Variants in OR51B5 observed in about 807,000 individuals in gnomAD.
OR51B5 encodes the protein olfactory receptor 51B5.
For missense variants in OR51B5, 456 were observed against 374.6 expected, an observed-to-expected ratio of 1.22 and a Z score of -1.79; for synonymous variants, 186 against 144.8, an observed-to-expected ratio of 1.28 and a Z score of -2.04.
chr11:5,470,049 T>C (rs1321077166), intron 1 of OR51B5, among the ~76,000 whole-genome samples: 2 of 152,258 alleles, frequency 1.3e-5, no homozygotes, highest in South Asian at 2.1e-4. Flanking sequence ...TATTTTAACA[T>C]GGATTTTGTT....
At chr11:5,493,249 C>T (rs985618215) in intron 1 of OR51B5, among the ~76,000 whole-genome samples, 1 of 152,106 alleles carries the variant, frequency 6.6e-6, no homozygotes, top group African/African-American at 2.4e-5. Flanking sequence ...CTGAAGGCAG[C>T]TTGCACTTCT....
intron 1 of OR51B5, chr11:5,422,315 A>G: frequency 3.7e-6 from 6 of 1,613,834 alleles, no homozygotes; most frequent in Non-Finnish European, 5.1e-6. Context: ...TCTCTACACC[A>G]TCTCCATCAT....
chr11:5,348,412 C>T (rs1427069003), upstream of OR51B5, among the ~76,000 whole-genome samples: 2 of 151,980 alleles, frequency 1.3e-5, no homozygotes, highest in Non-Finnish European at 2.9e-5. Context: ...CAGATAAGTG[C>T]CAAATATAGA....
intron 1 of OR51B5, among the ~76,000 whole-genome samples, chr11:5,412,741 G>A (rs1233492067): frequency 6.6e-6 from 1 of 152,068 alleles, no homozygotes; most frequent in African/African-American, 2.4e-5. Context: ...GCTGGGGGAG[G>A]GGCACCCGCC....
chr11:5,424,368 C>A (rs1457190940), intron 1 of OR51B5, among the ~76,000 whole-genome samples: 2 of 150,482 alleles, frequency 1.3e-5, no homozygotes, highest in African/African-American at 4.8e-5. Flanking sequence ...AACAAACAAA[C>A]AAACAAAAAA....
chr11:5,352,057 A>G, intron 1 of OR51B5: 1 of 1,614,052 alleles, frequency 6.2e-7, no homozygotes, highest in Non-Finnish European at 8.5e-7. Context: ...AGATGTCATC[A>G]AGCTAGCCTG....
chr11:5,475,761 A>G (rs1851295962), intron 1 of OR51B5, among the ~76,000 whole-genome samples: 1 of 152,234 alleles, frequency 6.6e-6, no homozygotes, highest in South Asian at 2.1e-4. Context: ...TTTAGCAAAT[A>G]TTAGGCATAC....
At chr11:5,480,755 TAGA>T (rs916662335) in intron 1 of OR51B5, among the ~76,000 whole-genome samples, 58 of 148,974 alleles carry the variant, frequency 3.9e-4, no homozygotes, top group African/African-American at 1.3e-3. Flanking sequence ...CTAGAAAATC[TAGA>T]AGAAGTGGAT....
At chr11:5,444,637 G>A (rs1023584224) in intron 1 of OR51B5, among the ~76,000 whole-genome samples, 1 of 152,122 alleles carries the variant, frequency 6.6e-6, no homozygotes, top group African/African-American at 2.4e-5. Flanking sequence ...CCTTGTAGCT[G>A]GATATACTAT....
At chr11:5,440,781 G>A (rs1417450472) in intron 1 of OR51B5, 1 of 1,613,980 alleles carries the variant, frequency 6.2e-7, no homozygotes, top group South Asian at 1.1e-5. Context: ...ACAGATGTGT[G>A]ACATGCAGGT....
intron 1 of OR51B5, among the ~76,000 whole-genome samples, chr11:5,417,159 C>G (rs202044754): frequency 8.5e-5 from 13 of 152,126 alleles, no homozygotes; most frequent in Admixed American, 2.0e-4. Context: ...ACAAACCTGA[C>G]AAAAACAAGC....
At position 5,501,631 on chromosome 11, in the gene OR51B5, C is replaced by G. The variant is rs539425302; in HGVS notation, n.84+3938G>C. The stretch of plus-strand genomic sequence containing the variant: ...TTAAAGCTGCCACAGTAGCTGTTTC[C>G]TAAGACTTTATAACAAGATTGTCCC... On this transcript the variant is annotated intron_variant and non_coding_transcript_variant, in intron 1 of 4. Transcript: ENST00000415970. Among the ~76,000 whole-genome samples, 15 of 148,048 alleles carry G rather than the reference C, an allele frequency of 1.0e-4. 3 individuals are homozygous for G. Among genetic ancestry groups the G allele is most frequent in the African/African-American group, 3.6e-4 (15 of 41,290 alleles).
intron 1 of OR51B5, among the ~76,000 whole-genome samples, chr11:5,355,760 A>T (rs1196163959): frequency 8.8e-5 from 3 of 34,252 alleles, no homozygotes; most frequent in African/African-American, 2.0e-4. Flanking sequence ...ACCTTTAAAA[A>T]TTAAAAAAAA....
chr11:5,346,307 G>C (rs1848989401), upstream of OR51B5: 1 of 152,130 alleles, frequency 6.6e-6, no homozygotes, highest in Non-Finnish European at 1.5e-5. Flanking sequence ...ACTCTACTTT[G>C]TTTTGTGAAA....
chr11:5,378,370 G>A (rs142684778), intron 1 of OR51B5, among the ~76,000 whole-genome samples: 40,892 of 151,316 alleles, frequency 0.27, 5,801 homozygotes, highest in African/African-American at 0.33. Context: ...AGAAGAAAAC[G>A]CAGGCATTAC....
intron 1 of OR51B5, among the ~76,000 whole-genome samples, chr11:5,446,050 A>T (rs1331343038): frequency 6.6e-6 from 1 of 152,110 alleles, no homozygotes; most frequent in African/African-American, 2.4e-5. Context: ...GTGGGAATTG[A>T]ACAATGAGAA....
chr11:5,419,789 T>A (rs931815720), intron 1 of OR51B5, among the ~76,000 whole-genome samples: 2 of 151,994 alleles, frequency 1.3e-5, no homozygotes, highest in Non-Finnish European at 2.9e-5. Flanking sequence ...CCAGTTTATA[T>A]ACAATGGGCA....
intron 1 of OR51B5, among the ~76,000 whole-genome samples, chr11:5,387,024 G>A (rs1369948688): frequency 2.0e-5 from 3 of 152,118 alleles, no homozygotes; most frequent in East Asian, 1.9e-4. Context: ...GATATGTAAC[G>A]GAGTTATCTG....
chr11:5,361,210 A>G (rs1019664732), intron 1 of OR51B5, among the ~76,000 whole-genome samples: 11 of 152,042 alleles, frequency 7.2e-5, no homozygotes, highest in Admixed American at 2.0e-4. Context: ...TTCTACCCCT[A>G]TGTGATGCTT....
Sources: allele counts gnomAD v4.1 joint callset (sites outside exome capture counted in the v4.1 genomes callset), GRCh38; gene constraint gnomAD v4.1.1; transcripts MANE v1.5; gene names NCBI Gene and HGNC (gene_info 2026-07-23, HGNC 2026-07-21).